TMEM245: variants seen among roughly 807,000 people sequenced by gnomAD.
TMEM245 encodes transmembrane protein 245.
TMEM245 carries 69 observed loss-of-function variants against 101.2 expected under a neutral mutation model. That is an observed-to-expected ratio of 0.68 (90% confidence interval 0.56 to 0.83). The LOEUF (loss-of-function observed/expected upper bound fraction) is 0.83. Ranked by LOEUF, TMEM245 falls within the 40% of genes least tolerant of loss-of-function variation. The probability of loss-of-function intolerance (pLI) is 0.00; values close to 1 mark genes in which losing one functional copy is unlikely to be tolerated. For missense variants in TMEM245, 1,075 were observed against 1,092.8 expected (o/e 0.98, Z 0.23); for synonymous variants, 537 against 449.8 (o/e 1.19, Z -2.45).
chr9:109,091,638 G>T (rs899357349), intron 4 of TMEM245, among the ~76,000 whole-genome samples: 13 of 152,058 alleles, frequency 8.5e-5, no homozygotes, highest in African/African-American at 3.1e-4. Context: ...AGAACCCAGG[G>T]CTTTCAAACA....
intron 12 of TMEM245, among the ~76,000 whole-genome samples, chr9:109,056,173 A>G (rs1177211017): frequency 1.3e-5 from 2 of 152,208 alleles, no homozygotes; most frequent in Non-Finnish European, 2.9e-5. Flanking sequence ...AGGGAAAGCT[A>G]AAAGAATTGG....
chr9:109,111,653 T>C (rs571324041), intron 1 of TMEM245, among the ~76,000 whole-genome samples: 5 of 152,302 alleles, frequency 3.3e-5, no homozygotes, highest in Non-Finnish European at 7.4e-5. Context: ...CACTTGCCAT[T>C]TACAATATAA....
chr9:109,118,458 C>T (rs1366171192), intron 1 of TMEM245, among the ~76,000 whole-genome samples: 2 of 152,166 alleles, frequency 1.3e-5, no homozygotes, highest in Non-Finnish European at 2.9e-5. Flanking sequence ...TAACAGTCTC[C>T]AGTTAAATAT....
At chr9:109,106,736 CA>C (rs751615133) in intron 2 of TMEM245, 127 bp from the exon 3 acceptor site, 39,799 of 410,500 alleles carry the variant, frequency 0.097, 1 homozygote, top group East Asian at 0.13. Context: ...ACTTATCAGG[CA>C]AAAAAAAAAA....
chr9:109,091,138 C>T lies in TMEM245; in HGVS notation c.934G>A (p.Glu312Lys). The stretch of plus-strand genomic sequence containing the variant: ...GAGGTGGACAACGTTGGAGCGGATT[C>T]TCCCCTGTCCACTGCTTCTGAAAAG... ...TQPAEAVDRGESAPTLSTSPS... is the reference protein window; with the variant it reads ...TQPAEAVDRGKSAPTLSTSPS... The change falls in exon 5 of 18, where the codon GAA (glutamate) becomes AAA (lysine). Residue 312 changes from glutamate to lysine, a missense_variant. Coordinates refer to ENST00000374586, the MANE Select transcript of TMEM245 (RefSeq NM_032012.4). 6.2e-7 allele frequency: 1 copy of T among 1,613,780 alleles called. No homozygotes were observed. Among genetic ancestry groups the T allele is most frequent in the Non-Finnish European group, 8.5e-7 (1 of 1,179,854 alleles).
chr9:109,027,351 C>G (rs556423302), intron 17 of TMEM245, among the ~76,000 whole-genome samples: 1 of 151,938 alleles, frequency 6.6e-6, no homozygotes, highest in East Asian at 1.9e-4. Context: ...TTTTTTTCCC[C>G]TCTGGAGAAG....
chr9:109,102,912 C>T (rs983062582), intron 3 of TMEM245, among the ~76,000 whole-genome samples: 1 of 152,216 alleles, frequency 6.6e-6, no homozygotes, highest in Non-Finnish European at 1.5e-5. Context: ...TGCTTCCACA[C>T]GGCTGGGTAA....
At chr9:109,049,122 A>G (rs886440894) in intron 14 of TMEM245, among the ~76,000 whole-genome samples, 1 of 152,202 alleles carries the variant, frequency 6.6e-6, no homozygotes, top group Non-Finnish European at 1.5e-5. Context: ...CTAGTCTAAG[A>G]TCCTGCTGAT....
chr9:109,098,132 G>C (rs1015068161), intron 3 of TMEM245, among the ~76,000 whole-genome samples: 1 of 152,006 alleles, frequency 6.6e-6, no homozygotes, highest in Non-Finnish European at 1.5e-5. Flanking sequence ...GACATTTTTA[G>C]ATCTCTCCAC....
intron 17 of TMEM245, among the ~76,000 whole-genome samples, chr9:109,031,707 A>C (rs1375437218): frequency 6.6e-6 from 1 of 152,210 alleles, no homozygotes. Flanking sequence ...TACATGAAAA[A>C]ATCAACCTGT....
At chr9:109,077,591 TTAGAGC>T (rs1252367356) in intron 8 of TMEM245, among the ~76,000 whole-genome samples, 1 of 152,242 alleles carries the variant, frequency 6.6e-6, no homozygotes, top group African/African-American at 2.4e-5. Flanking sequence ...TTCATGTATT[TTAGAGC>T]TCAGCTGTTG....
At chr9:109,082,832 C>T (rs996766279) in intron 7 of TMEM245, among the ~76,000 whole-genome samples, 1 of 151,702 alleles carries the variant, frequency 6.6e-6, no homozygotes, top group Non-Finnish European at 1.5e-5. Flanking sequence ...ATTTTTCTAT[C>T]ACAAGCCATA....
chr9:109,047,284 A>G (rs1828527482), intron 14 of TMEM245, among the ~76,000 whole-genome samples: 1 of 152,216 alleles, frequency 6.6e-6, no homozygotes, highest in Non-Finnish European at 1.5e-5. Context: ...ATACATAATT[A>G]GTGTATGCAC....
intron 3 of TMEM245, among the ~76,000 whole-genome samples, chr9:109,094,259 C>G (rs1830081862): frequency 1.3e-5 from 2 of 152,314 alleles, no homozygotes; most frequent in Middle Eastern, 3.4e-3. Context: ...CTTTAACCTT[C>G]TATAGCAGAC....
At chr9:109,064,726 C>G (rs1829113667) in intron 9 of TMEM245, among the ~76,000 whole-genome samples, 159 bp from the exon 10 acceptor site, 1 of 152,238 alleles carries the variant, frequency 6.6e-6, no homozygotes, top group Non-Finnish European at 1.5e-5. Context: ...CCAGGCTTAA[C>G]TGTCCTAAGT....
intron 12 of TMEM245, among the ~76,000 whole-genome samples, chr9:109,052,846 G>C (rs1373561011): frequency 6.6e-6 from 1 of 152,012 alleles, no homozygotes; most frequent in Non-Finnish European, 1.5e-5. Context: ...GTTGCACTGA[G>C]AGAAAATATC....
chr9:109,091,223 C>T, intron 4 of TMEM245, 68 bp from the exon 5 acceptor site: 2 of 1,368,648 alleles, frequency 1.5e-6, no homozygotes, highest in Non-Finnish European at 2.0e-6. Flanking sequence ...TACAGAGCCA[C>T]TCATTAGGCT....
In TMEM245 at chr9:109,111,729, GTAAT is replaced by G. The variant is rs576250663; in HGVS notation, c.580-3163_580-3160del. 7.9e-5 allele frequency among the ~76,000 whole-genome samples: 12 copies of G among 152,228 alleles called. No individual in the cohort carries two copies. The South Asian group carries it at 2.5e-3, about 32-fold the overall frequency. On this transcript the variant is annotated intron_variant, in intron 1 of 17. Transcript: ENST00000374586. ...AAATAATGCTATCTCCAAAAATTGA[GTAAT>G]TAGTCAGACTTTCAACAGTATGATG...
Position 109,033,378 on chromosome 9 carries a change from A to G in TMEM245, c.2523T>C (p.Ser841=). ...AATTCGTGGGACTCACTAGCATGGC[A>G]CTATAGATATTGGAAGCAACCACAA... ...CILVVASNIY[S]AMLVSPTNSV... is the part of the protein sequence containing the mutation. The change falls in exon 17 of 18, where the codon AGT becomes AGC. Residue 841 remains serine (S), a synonymous_variant. Coordinates refer to ENST00000374586, the MANE Select transcript of TMEM245 (RefSeq NM_032012.4). 6.2e-7 allele frequency: 1 copy of G among 1,614,160 alleles called. No homozygotes were observed. The highest frequency in any genetic ancestry group is 1.1e-5 in the South Asian group (1 of 91,078).
Sources: allele counts gnomAD v4.1 joint callset (sites outside exome capture counted in the v4.1 genomes callset), GRCh38; gene constraint gnomAD v4.1.1; transcripts MANE v1.5; gene names NCBI Gene and HGNC (gene_info 2026-07-23, HGNC 2026-07-21).